The following NSL1 variants were observed in gnomAD, a reference collection of about 807,000 sequenced individuals.
NSL1 encodes kinetochore-associated protein NSL1 homolog.
In NSL1, 11 loss-of-function variants were observed where a neutral mutation model predicts 25.4. The ratio of observed to expected loss-of-function variants is 0.43; its 90% CI spans 0.27 to 0.72. The LOEUF is 0.72. NSL1 is among the 30% of genes least tolerant of loss of function. The pLI, the probability that NSL1 is intolerant of heterozygous loss-of-function variation, is 0.19. For synonymous variants in NSL1, 118 were observed against 120.6 expected (o/e 0.98, Z 0.14); for missense variants, 330 against 342.7 (o/e 0.96, Z 0.29).
intron 4 of NSL1, among the ~76,000 whole-genome samples, chr1:212,771,674 A>G (rs1660123343): frequency 6.6e-6 from 1 of 151,932 alleles, no homozygotes; most frequent in Non-Finnish European, 1.5e-5. Flanking sequence ...TGCAGGATAC[A>G]AAACAAACAC....
intron 4 of NSL1, among the ~76,000 whole-genome samples, chr1:212,769,319 TCAAACTATCAAAAGG>T (rs1659991994): frequency 6.6e-6 from 1 of 152,076 alleles, no homozygotes; most frequent in African/African-American, 2.4e-5. Context: ...CACATTATAC[TCAAACTATCAAAAGG>T]CAAAGAAAGA....
At chr1:212,788,277 G>A (rs1661033085) in intron 1 of NSL1, among the ~76,000 whole-genome samples, 1 of 152,226 alleles carries the variant, frequency 6.6e-6, no homozygotes, top group Non-Finnish European at 1.5e-5. Flanking sequence ...GCCAGGCACA[G>A]TGGCACATGC....
At chr1:212,739,240 T>C (rs1658382657) in intron 5 of NSL1, among the ~76,000 whole-genome samples, 1 of 152,188 alleles carries the variant, frequency 6.6e-6, no homozygotes, top group South Asian at 2.1e-4. Context: ...AATTATTCAA[T>C]ACATTTTAGC....
chr1:212,746,954 G>T (rs113678760), intron 4 of NSL1, among the ~76,000 whole-genome samples: 3,468 of 152,260 alleles, frequency 0.023, 63 homozygotes, highest in South Asian at 0.042. Context: ...AGACCAGCCT[G>T]GCCAACATGG....
chr1:212,740,094 C>A (rs909443347), intron 4 of NSL1, among the ~76,000 whole-genome samples: 2 of 152,032 alleles, frequency 1.3e-5, no homozygotes, highest in African/African-American at 4.8e-5. Context: ...TTCTTCCAAT[C>A]TTTGCATATT....
chr1:212,755,715 G>A (rs1659275085), intron 4 of NSL1, among the ~76,000 whole-genome samples: 1 of 151,538 alleles, frequency 6.6e-6, no homozygotes, highest in Non-Finnish European at 1.5e-5. Flanking sequence ...AGATTGGGAG[G>A]CGAAGTTATG....
chr1:212,779,864 C>T lies in NSL1; in HGVS notation c.499+2508G>A, dbSNP rs1242039319. On this transcript the variant is annotated intron_variant, in intron 4 of 5. Transcript: ENST00000366977. ...CAGCCCCCCGCCCGACCAGCCGCCC[C>T]GTCCGGGAGGGAGGTGGGGGGGTCA... Among the ~76,000 whole-genome samples the T allele has an allele frequency of 4.9e-4, 70 of 141,834 alleles. 1 individual carries two copies. Among genetic ancestry groups the T allele is most frequent in the African/African-American group, 1.7e-3 (64 of 37,950 alleles). 93.0% of individuals were successfully genotyped at this position (141,834 alleles called of 152,430 possible). A position where few individuals can be genotyped will look rare whatever the true frequency, so the allele number is the denominator to read the frequency against.
rs1658027601 is a variant in NSL1 at position 212,731,860 on chromosome 1, G to A, written c.*6548C>T. 1 of 985,240 alleles carries A rather than the reference G, an allele frequency of 1.0e-6. No homozygotes were observed. The highest frequency in any genetic ancestry group is 1.2e-6 in the Non-Finnish European group (1 of 829,900). 61.0% of individuals were successfully genotyped at this position (985,240 alleles called of 1,614,324 possible). On this transcript the variant is annotated 3_prime_UTR_variant, in exon 6 of 6. Transcript: ENST00000366977. ...CCTCACTATCCCTGCCACTCTGGCT[G>A]CTCCAGCTCCATGTCCTGGGACACC...
chr1:212,783,829 G>C (rs1409154832), intron 3 of NSL1, among the ~76,000 whole-genome samples: 1 of 152,096 alleles, frequency 6.6e-6, no homozygotes, highest in African/African-American at 2.4e-5. Context: ...TAAAAAGCTC[G>C]TGCTGAAGGA....
At chr1:212,758,141 T>C (rs1466399995) in intron 4 of NSL1, among the ~76,000 whole-genome samples, 1 of 152,222 alleles carries the variant, frequency 6.6e-6, no homozygotes, top group Non-Finnish European at 1.5e-5. Context: ...AATAATATTA[T>C]TTTCAGTGTG....
chr1:212,740,929 A>G (rs1003421655), intron 4 of NSL1, among the ~76,000 whole-genome samples: 1 of 152,244 alleles, frequency 6.6e-6, no homozygotes, highest in Admixed American at 6.5e-5. Context: ...ATCTACAACA[A>G]CAGAAAATGA....
Position 212,735,619 on chromosome 1 carries a change from T to C in NSL1, c.*2789A>G, listed in dbSNP as rs1033824536. The C allele has an allele frequency of 3.8e-6, 3 of 792,268 alleles. No individual in the cohort carries two copies. Among genetic ancestry groups the C allele is most frequent in the Non-Finnish European group, 4.6e-6 (3 of 653,878 alleles). 49.1% of individuals were successfully genotyped at this position (792,268 alleles called of 1,614,324 possible). On this transcript the variant is annotated 3_prime_UTR_variant, in exon 6 of 6. Transcript: ENST00000366977. ...TGAAGCCTTAACTCCCATGTGCCTATAGCTGTATTTGGAGATGGGGCCTCT... is the reference window on the plus strand; with the variant it reads ...TGAAGCCTTAACTCCCATGTGCCTACAGCTGTATTTGGAGATGGGGCCTCT...
chr1:212,729,455 A>G lies in NSL1; in HGVS notation c.*8953T>C, dbSNP rs1270419946. 2 of 985,298 alleles carry G rather than the reference A, an allele frequency of 2.0e-6. No individual in the cohort carries two copies. Among genetic ancestry groups the G allele is most frequent in the Non-Finnish European group, 1.2e-6 (1 of 829,934 alleles). The allele number at this position is 985,298 out of a possible 1,614,324, so 61.0% of individuals were successfully genotyped here. ...TGTGGCTACGAAAAATCATTTTACA[A>G]TATTGTCTGGCACATGGCTGGGAAA... On this transcript the variant is annotated 3_prime_UTR_variant, in exon 6 of 6. Transcript: ENST00000366977.
intron 4 of NSL1, among the ~76,000 whole-genome samples, chr1:212,762,771 C>T (rs529379520): frequency 1.5e-3 from 230 of 152,282 alleles, no homozygotes; most frequent in Non-Finnish European, 2.5e-3. Flanking sequence ...CAAAAGTAGA[C>T]GCAGCAGCAT....
chr1:212,789,187 A>T (rs1336211015), intron 1 of NSL1, among the ~76,000 whole-genome samples: 2 of 152,102 alleles, frequency 1.3e-5, no homozygotes, highest in Non-Finnish European at 2.9e-5. Flanking sequence ...ATAAAGTAAA[A>T]TCCTTATTTT....
chr1:212,729,849 T>A lies in NSL1; in HGVS notation c.*8559A>T, dbSNP rs1201972934. ...TGGTGCTGCAAAGGGCAGTGATGTG[T>A]GGACGAAGGGGTTGCTGGGGTGACC... On this transcript the variant is annotated 3_prime_UTR_variant, in exon 6 of 6. Transcript: ENST00000366977. The A allele has an allele frequency of 1.0e-6, 1 of 985,106 alleles. No individual in the cohort carries two copies. The highest frequency in any genetic ancestry group is 6.2e-5 in the Admixed American group (1 of 16,260). The allele number at this position is 985,106 out of a possible 1,614,324, so 61.0% of individuals were successfully genotyped here.
At chr1:212,739,511 T>A (rs1196763020) in intron 5 of NSL1, 23 bp downstream of exon 5, 1 of 1,605,684 alleles carries the variant, frequency 6.2e-7, no homozygotes, top group East Asian at 2.2e-5. Context: ...CATTTGATAA[T>A]TTTTTTAGCA....
At chr1:212,772,191 G>T (rs1164802587) in intron 4 of NSL1, among the ~76,000 whole-genome samples, 1 of 152,110 alleles carries the variant, frequency 6.6e-6, no homozygotes, top group Non-Finnish European at 1.5e-5. Context: ...CCAGTGTCAG[G>T]TATGTCTTTG....
Position 212,745,160 on chromosome 1 carries a change from CTATATATATATATA to C in NSL1, c.500-5573_500-5560del, listed in dbSNP as rs59293969. On this transcript the variant is annotated intron_variant, in intron 4 of 5. Coordinates refer to ENST00000366977, the MANE Select transcript of NSL1 (RefSeq NM_015471.4). ...CAAAACAAACAAACAAACAAACAAACTATATATATATATATATATATATATATATATATATATAT... is the reference window on the plus strand; with the variant it reads ...CAAAACAAACAAACAAACAAACAAACTATATATATATATATATATATATAT... Among the ~76,000 whole-genome samples the C allele has an allele frequency of 1.7e-3, 197 of 117,700 alleles. 3 individuals are homozygous for C. The highest frequency in any genetic ancestry group is 7.3e-3 in the African/African-American group (181 of 24,740). The allele number at this position is 117,700 out of a possible 152,430, so 77.2% of individuals were successfully genotyped here. A position where few individuals can be genotyped will look rare whatever the true frequency, so the allele number is the denominator to read the frequency against.
Sources: allele counts gnomAD v4.1 joint callset (sites outside exome capture counted in the v4.1 genomes callset), GRCh38; gene constraint gnomAD v4.1.1; transcripts MANE v1.5; gene names NCBI Gene and HGNC (gene_info 2026-07-23, HGNC 2026-07-21).